FAM168A: variants seen among roughly 807,000 people sequenced by gnomAD.
FAM168A encodes protein FAM168A.
A neutral mutation model predicts 28.5 loss-of-function variants in FAM168A; 3 were observed. That is an observed-to-expected ratio of 0.11 (90% CI 0.05 to 0.27). FAM168A has a LOEUF of 0.27. Among genes scored for constraint, FAM168A ranks in the 10% least tolerant of loss-of-function variants. The pLI is 1.00. For missense variants in FAM168A, 222 were observed against 311.5 expected (o/e 0.71, Z 2.16); for synonymous variants, 122 against 124.2 (o/e 0.98, Z 0.12).
chr11:73,556,858 TA>T lies in FAM168A; in HGVS notation c.-19+41064del, dbSNP rs775556330. Among the ~76,000 whole-genome samples the T allele has an allele frequency of 7.9e-3, 1,114 of 141,064 alleles. 8 individuals are homozygous for T. Among genetic ancestry groups the T allele is most frequent in the African/African-American group, 0.015 (590 of 38,584 alleles). 92.5% of individuals were successfully genotyped at this position (141,064 alleles called of 152,430 possible). On this transcript the variant is annotated intron_variant, in intron 1 of 7. Transcript: ENST00000356467. ...CAACATGGCAAAACCCTGCCTCTACTAAAAAAAAAAAAATACAAAAATTGAC... is the reference window on the plus strand; with the variant it reads ...CAACATGGCAAAACCCTGCCTCTACTAAAAAAAAAAAATACAAAAATTGAC...
intron 2 of FAM168A, among the ~76,000 whole-genome samples, chr11:73,465,891 A>T (rs1867727110): frequency 6.6e-6 from 1 of 152,190 alleles, no homozygotes; most frequent in East Asian, 1.9e-4. Flanking sequence ...AAGTGTAAAA[A>T]TAGGTATTTT....
rs567095622 is a variant in FAM168A, at chr11:73,502,020, G to A, written c.-18-33528C>T. On this transcript the variant is annotated intron_variant, in intron 1 of 7. Transcript: ENST00000356467. Reference sequence around the variant, plus strand: ...GGAGGCTGAGGCAGGAGAACGGCATGAACCCCGGAGGCGGAGCTTGCAGTG... The same window carrying A: ...GGAGGCTGAGGCAGGAGAACGGCATAAACCCCGGAGGCGGAGCTTGCAGTG... 1.3e-4 allele frequency among the ~76,000 whole-genome samples: 20 copies of A among 150,740 alleles called. No individual in the cohort carries two copies. In the South Asian group the frequency reaches 4.0e-3, roughly 30 times the overall value.
intron 1 of FAM168A, among the ~76,000 whole-genome samples, chr11:73,561,989 C>T (rs548977540): frequency 4.6e-5 from 7 of 151,906 alleles, no homozygotes; most frequent in African/African-American, 1.7e-4. Flanking sequence ...GTAGCCCAGG[C>T]TGGAGTGCAA....
At position 73,413,687 on chromosome 11, in the gene FAM168A, C is replaced by CA. The variant is rs571839961; in HGVS notation, c.278-2152dup. ...GTTGTTTTTGCCAAAGAAAAGGAAA[C>CA]AAAAGAGTTCTATAGTCCCATATGT... On this transcript the variant is annotated intron_variant, in intron 4 of 7. Coordinates refer to ENST00000356467, the MANE Select transcript of FAM168A (RefSeq NM_015159.3). 2.3e-3 allele frequency among the ~76,000 whole-genome samples: 346 copies of CA among 152,286 alleles called. 2 individuals carry two copies. Among genetic ancestry groups the CA allele is most frequent in the African/African-American group, 7.9e-3 (327 of 41,568 alleles).
chr11:73,503,507 C>T (rs1855050563), intron 1 of FAM168A, among the ~76,000 whole-genome samples: 1 of 152,246 alleles, frequency 6.6e-6, no homozygotes. Context: ...AGAGAGGACA[C>T]AAACAAATGG....
At chr11:73,506,232 G>C (rs959436925) in intron 1 of FAM168A, among the ~76,000 whole-genome samples, 1 of 152,136 alleles carries the variant, frequency 6.6e-6, no homozygotes, top group Admixed American at 6.5e-5. Context: ...GAGGGGAAAA[G>C]CTCTGCTAGA....
intron 4 of FAM168A, among the ~76,000 whole-genome samples, chr11:73,418,870 G>A (rs1338672215): frequency 4.7e-5 from 7 of 150,028 alleles, no homozygotes; most frequent in South Asian, 4.2e-4. Context: ...GTGCAGTGGC[G>A]TGATCTTGGC....
intron 1 of FAM168A, among the ~76,000 whole-genome samples, chr11:73,488,960 C>G (rs535867940): frequency 1.4e-4 from 21 of 152,262 alleles, no homozygotes; most frequent in African/African-American, 5.1e-4. Context: ...GCGATCTCAG[C>G]TCACTGCAAC....
intron 2 of FAM168A, among the ~76,000 whole-genome samples, chr11:73,464,317 C>T (rs1214315063): frequency 7.5e-6 from 1 of 134,004 alleles, no homozygotes; most frequent in East Asian, 2.2e-4. Flanking sequence ...GCAAAAACAG[C>T]AATCTGGGGG....
chr11:73,411,513 T>C lies in FAM168A; in HGVS notation c.301A>G (p.Lys101Glu). 2 of 1,613,928 alleles carry C rather than the reference T, an allele frequency of 1.2e-6. No homozygotes were observed. Among genetic ancestry groups the C allele is most frequent in the Non-Finnish European group, 1.7e-6 (2 of 1,179,938 alleles). The stretch of plus-strand genomic sequence containing the variant: ...GTGTTACTCTGGGTCGGTGGGACCT[T>C]GTATGGTGTCCCCGCAGTATATCCT... ...AFRYTAGTPY[K>E]VPPTQSNTAP... Residue 101 changes from lysine to glutamate, a missense_variant, in exon 5 of 8, where the codon AAG becomes GAG. Physicochemically the swap from Lys to Glu is moderately conservative, Grantham distance 56. Transcript: ENST00000356467.
chr11:73,453,963 T>C (rs941010311), intron 2 of FAM168A, among the ~76,000 whole-genome samples: 1 of 152,242 alleles, frequency 6.6e-6, no homozygotes, highest in African/African-American at 2.4e-5. Context: ...AGTCACTCAC[T>C]GGTGGTAGCT....
chr11:73,423,798 T>C (rs1866838231), intron 3 of FAM168A, among the ~76,000 whole-genome samples: 1 of 152,192 alleles, frequency 6.6e-6, no homozygotes, highest in Non-Finnish European at 1.5e-5. Context: ...GTGAGCTCCT[T>C]GAGAACAAGC....
At chr11:73,587,146 A>C (rs1487970998) in intron 1 of FAM168A, among the ~76,000 whole-genome samples, 11 of 141,630 alleles carry the variant, frequency 7.8e-5, no homozygotes, top group Admixed American at 7.7e-4. Flanking sequence ...TTCTTCATGG[A>C]CATGTTAAAA....
At chr11:73,556,010 A>G (rs1034691519) in intron 1 of FAM168A, among the ~76,000 whole-genome samples, 3 of 152,062 alleles carry the variant, frequency 2.0e-5, no homozygotes, top group East Asian at 1.9e-4. Flanking sequence ...TGGGGCTGGT[A>G]AGCTCCAACC....
intron 1 of FAM168A, among the ~76,000 whole-genome samples, chr11:73,564,742 C>CAAAAAA (rs1294055661): frequency 4.0e-5 from 2 of 50,158 alleles, no homozygotes; most frequent in Non-Finnish European, 8.1e-5. Flanking sequence ...GACTCCGTCA[C>CAAAAAA]AAAAAAAAAA....
chr11:73,441,284 C>G (rs1043193821), intron 2 of FAM168A, among the ~76,000 whole-genome samples: 4 of 152,248 alleles, frequency 2.6e-5, no homozygotes, highest in African/African-American at 9.6e-5. Flanking sequence ...GTCTCGATCT[C>G]CTGACCTTGT....
At chr11:73,477,252 A>T (rs1179998493) in intron 1 of FAM168A, among the ~76,000 whole-genome samples, 1 of 152,144 alleles carries the variant, frequency 6.6e-6, no homozygotes. Flanking sequence ...GTCAAAAAAA[A>T]GTCAGGTACT....
intron 2 of FAM168A, among the ~76,000 whole-genome samples, chr11:73,437,142 G>A (rs1867103293): frequency 6.6e-6 from 1 of 151,754 alleles, no homozygotes; most frequent in Admixed American, 6.6e-5. Context: ...TCTGTCTCCA[G>A]GCTGCAGTGC....
intron 2 of FAM168A, among the ~76,000 whole-genome samples, chr11:73,441,036 A>G (rs1402310775): frequency 2.6e-5 from 4 of 151,764 alleles, no homozygotes; most frequent in East Asian, 1.9e-4. Flanking sequence ...AAGGAATGTT[A>G]TATCATTTCA....
Sources: gnomAD v4.1 joint callset for allele counts (sites outside exome capture counted in the v4.1 genomes callset) on GRCh38, gnomAD v4.1.1 for gene constraint, MANE v1.5 for transcripts, NCBI Gene and HGNC (gene_info 2026-07-23, HGNC 2026-07-21) for gene names.